The following TRIO variants were observed in gnomAD, a reference collection of about 807,000 sequenced individuals.
TRIO encodes the protein trio Rho guanine nucleotide exchange factor.
In TRIO, 58 loss-of-function variants were observed where a neutral mutation model predicts 351.9. The ratio of observed to expected loss-of-function variants is 0.16; its 90% CI spans 0.13 to 0.21. The LOEUF is 0.21. Among genes scored for constraint, TRIO ranks in the 10% least tolerant of loss-of-function variants. TRIO has a pLI of 1.00. For missense variants in TRIO, 3,201 were observed against 4,027.8 expected (o/e 0.79, Z 5.56); for synonymous variants, 1,758 against 1,595.7 (o/e 1.10, Z -2.42).
intron 6 of TRIO, among the ~76,000 whole-genome samples, chr5:14,294,688 C>T (rs1472702977): frequency 6.6e-6 from 1 of 152,110 alleles, no homozygotes; most frequent in Admixed American, 6.6e-5. Context: ...TTCTTATTTG[C>T]CATGTGACCT....
rs1341937664 is a variant in TRIO at position 14,471,577 on chromosome 5, A to G, written c.5912+111A>G. The G allele has an allele frequency of 1.9e-5, 27 of 1,427,154 alleles. No homozygotes were observed. The South Asian group carries it at 2.9e-4, about 16-fold the overall frequency. 88.4% of individuals were successfully genotyped at this position (1,427,154 alleles called of 1,614,324 possible). A position where few individuals can be genotyped will look rare whatever the true frequency, so the allele number is the denominator to read the frequency against. On this transcript the variant is annotated intron_variant, in intron 38 of 56. Transcript: ENST00000344204. ...CTGAATTACCGAGATGAGAAGCTCC[A>G]GGGCCTCTCATTAAGTAACTGCACG...
At chr5:14,349,525 T>C (rs1349627657) in intron 11 of TRIO, among the ~76,000 whole-genome samples, 1 of 152,244 alleles carries the variant, frequency 6.6e-6, no homozygotes, top group Non-Finnish European at 1.5e-5. Flanking sequence ...GGTTAAGCTG[T>C]GCTCTTCCCT....
intron 23 of TRIO, chr5:14,388,061 C>CT (rs1746701574): frequency 1.8e-6 from 1 of 548,574 alleles, no homozygotes; most frequent in African/African-American, 1.9e-5. Context: ...ATCCCTGTGC[C>CT]TGTGTTTCAT....
chr5:14,225,757 C>A (rs1561223131), intron 1 of TRIO, among the ~76,000 whole-genome samples: 1 of 150,496 alleles, frequency 6.6e-6, no homozygotes. Flanking sequence ...GTAACCTAAT[C>A]ACAGGCATGC....
At chr5:14,210,292 A>C (rs968806304) in intron 1 of TRIO, among the ~76,000 whole-genome samples, 1 of 152,220 alleles carries the variant, frequency 6.6e-6, no homozygotes, top group Admixed American at 6.5e-5. Flanking sequence ...AACAGAGTCT[A>C]GGGAAGCTTT....
At chr5:14,503,942 CCCCACACA>C (rs1242429263) in intron 54 of TRIO, among the ~76,000 whole-genome samples, 1 of 152,232 alleles carries the variant, frequency 6.6e-6, no homozygotes, top group Admixed American at 6.5e-5. Context: ...CTCGTGCCTG[CCCCACACA>C]CCCCCACAGG....
chr5:14,183,750 G>T, intron 1 of TRIO: 1 of 508,066 alleles, frequency 2.0e-6, no homozygotes, highest in Non-Finnish European at 3.5e-6. Context: ...GCTGAGGAGG[G>T]AAGGCATGCG....
At chr5:14,333,786 A>G (rs1741129828) in intron 10 of TRIO, among the ~76,000 whole-genome samples, 1 of 152,170 alleles carries the variant, frequency 6.6e-6, no homozygotes, top group Non-Finnish European at 1.5e-5. Context: ...GTTCTCAAGA[A>G]AAAGAGGACA....
At chr5:14,167,908 CT>C (rs1264311640) in intron 1 of TRIO, among the ~76,000 whole-genome samples, 2 of 152,010 alleles carry the variant, frequency 1.3e-5, no homozygotes, top group African/African-American at 4.8e-5. Flanking sequence ...ACTTAAATCT[CT>C]TTTTTTTAAA....
At position 14,364,810 on chromosome 5, in the gene TRIO, G is replaced by T. The variant is rs148295889; in HGVS notation, c.2748G>T (p.Val916=). The change falls in exon 15 of 57, where the codon GTG becomes GTT. Residue 916 remains valine, a synonymous_variant. Transcript: ENST00000344204. ...CVQLRHLQAE[V]KQVLGWIRNG... ...AGCTGCGCCACCTGCAGGCAGAAGT[G>T]AAACAGGTGAGCAAACGACTGGATG... The T allele has an allele frequency of 8.7e-5, 139 of 1,604,760 alleles. No homozygotes were observed. In the African/African-American group the frequency reaches 1.7e-3, roughly 20 times the overall value.
rs570422511 is a variant in TRIO, at chr5:14,258,941, C to T, written c.158-11884C>T. On this transcript the variant is annotated intron_variant, in intron 1 of 56. Transcript: ENST00000344204. The stretch of plus-strand genomic sequence containing the variant: ...GGTGGTGGGCTGCAGGGCACTGATG[C>T]GCAGTCCTCTGAGCCTGTGCTGCCT... 4.6e-5 allele frequency among the ~76,000 whole-genome samples: 7 copies of T among 152,330 alleles called. No homozygotes were observed. The East Asian group carries it at 1.2e-3, about 25-fold the overall frequency.
chr5:14,504,671 C>A, intron 55 of TRIO, 78 bp downstream of exon 55: 2 of 1,510,136 alleles, frequency 1.3e-6, no homozygotes, highest in South Asian at 2.5e-5. Flanking sequence ...TGTTTGTTCT[C>A]TAAGAAGGAT....
Position 14,487,919 on chromosome 5 carries a change from G to C in TRIO, c.7291G>C (p.Asp2431His), listed in dbSNP as rs1756092169. ...CGCGAACGCCTCGGGGTCGAGCCCA[G>C]ACGCCCCCGCCAAGGACGCGCGCGC... ...GAANASGSSP[D>H]APAKDARASL... is the part of the protein sequence containing the mutation. Residue 2431 changes from aspartate (D) to histidine (H), a missense_variant, in exon 48 of 57, where the codon GAC (aspartate) becomes CAC (histidine). Physicochemically the swap from Asp to His is moderately conservative, Grantham distance 81. Around this residue, in one of 19 missense-constraint regions of TRIO, gnomAD observed 1,089 missense variants for 954.9 expected, o/e 1.14. Transcript: ENST00000344204. 1 of 1,539,148 alleles carries C rather than the reference G, an allele frequency of 6.5e-7. No homozygotes were observed. The highest frequency in any genetic ancestry group is 8.7e-7 in the Non-Finnish European group (1 of 1,143,284).
chr5:14,419,254 C>T (rs1210984347), intron 33 of TRIO, among the ~76,000 whole-genome samples: 3 of 152,016 alleles, frequency 2.0e-5, no homozygotes, highest in Non-Finnish European at 4.4e-5. Flanking sequence ...CCTGGACAAG[C>T]AGGAGGAGGC....
At chr5:14,402,778 ATGG>A (rs1330552573) in intron 31 of TRIO, among the ~76,000 whole-genome samples, 3 of 151,528 alleles carry the variant, frequency 2.0e-5, no homozygotes, top group African/African-American at 7.3e-5. Flanking sequence ...TTTGGTGGTG[ATGG>A]TGGTGAGGTT....
chr5:14,185,060 C>G (rs2152142153), intron 1 of TRIO, among the ~76,000 whole-genome samples: 1 of 152,236 alleles, frequency 6.6e-6, no homozygotes, highest in Admixed American at 6.5e-5. Context: ...CTTATGTGGA[C>G]TGCCACATCT....
chr5:14,184,048 A>G, intron 1 of TRIO: 2 of 686,958 alleles, frequency 2.9e-6, no homozygotes, highest in South Asian at 1.5e-5. Flanking sequence ...AGGACTGTTG[A>G]TGGACCTTGA....
intron 1 of TRIO, among the ~76,000 whole-genome samples, chr5:14,193,171 T>C (rs1191241761): frequency 6.6e-6 from 1 of 152,232 alleles, no homozygotes; most frequent in African/African-American, 2.4e-5. Context: ...GATGCAGTTA[T>C]TAAAATATGT....
At chr5:14,238,194 G>C (rs1348069571) in intron 1 of TRIO, among the ~76,000 whole-genome samples, 1 of 152,222 alleles carries the variant, frequency 6.6e-6, no homozygotes, top group African/African-American at 2.4e-5. Flanking sequence ...AAAATGCACA[G>C]AGATTTTGTT....
Sources: allele counts gnomAD v4.1 joint callset (sites outside exome capture counted in the v4.1 genomes callset), GRCh38; gene constraint gnomAD v4.1.1; regional missense constraint gnomAD v4.1.1; transcripts MANE v1.5; gene names NCBI Gene and HGNC (gene_info 2026-07-23, HGNC 2026-07-21).